Variants in ROCK1 observed in about 807,000 individuals in gnomAD.
The protein encoded by ROCK1 is Rho associated coiled-coil containing protein kinase 1.
Under a neutral mutation model 196.8 loss-of-function variants are expected in ROCK1, and 36 were observed. The ratio of observed to expected loss-of-function variants is 0.18; its 90% CI spans 0.14 to 0.24. The LOEUF (loss-of-function observed/expected upper bound fraction) is 0.24. ROCK1 is among the 10% of genes least tolerant of loss of function. The pLI, the probability that ROCK1 is intolerant of heterozygous loss-of-function variation, is 1.00. For missense variants in ROCK1, 920 were observed against 1,562.0 expected (o/e 0.59, Z 6.93); for synonymous variants, 443 against 515.9 (o/e 0.86, Z 1.91).
chr18:21,049,012 T>G (rs1402382622), intron 4 of ROCK1, 80 bp downstream of exon 4: 20 of 1,298,506 alleles, frequency 1.5e-5, no homozygotes, highest in Non-Finnish European at 1.4e-5. Flanking sequence ...CTACTACTAT[T>G]CTAAAACACA....
chr18:21,022,602 C>T (rs1380526725), intron 11 of ROCK1, among the ~76,000 whole-genome samples: 1 of 152,094 alleles, frequency 6.6e-6, no homozygotes, highest in African/African-American at 2.4e-5. Flanking sequence ...TTCCCTACAC[C>T]CTTTGTGCTT....
chr18:21,011,698 C>T (rs375431042), intron 13 of ROCK1, among the ~76,000 whole-genome samples: 4 of 152,140 alleles, frequency 2.6e-5, no homozygotes, highest in Admixed American at 1.3e-4. Context: ...TCAAGCAATC[C>T]GCTGGCCTTG....
At chr18:21,017,207 T>TTC in intron 12 of ROCK1, among the ~76,000 whole-genome samples, 2 of 150,056 alleles carry the variant, frequency 1.3e-5, no homozygotes, top group Non-Finnish European at 3.0e-5. Context: ...TTTTTTTTTT[T>TTC]TTGAGATGAA....
At chr18:21,034,251 T>C (rs1447121071) in intron 9 of ROCK1, among the ~76,000 whole-genome samples, 1 of 152,060 alleles carries the variant, frequency 6.6e-6, no homozygotes, top group African/African-American at 2.4e-5. Context: ...TTCAATGCAA[T>C]CTCCATCAAA....
At chr18:21,056,133 C>A (rs1305065991) in intron 2 of ROCK1, among the ~76,000 whole-genome samples, 1 of 151,508 alleles carries the variant, frequency 6.6e-6, no homozygotes, top group African/African-American at 2.4e-5. Context: ...TTCCAAGGCT[C>A]AGCCCTCAAT....
rs2036750887 is a variant in ROCK1 at position 21,111,380 on chromosome 18, GCCGCTCGGGCCACGGGCCGGGC to G, written c.-492_-471del. The G allele has an allele frequency of 4.9e-6, 2 of 411,136 alleles. No homozygotes were observed. Among genetic ancestry groups the G allele is most frequent in the South Asian group, 7.4e-5 (1 of 13,442 alleles). 25.5% of individuals were successfully genotyped at this position (411,136 alleles called of 1,614,324 possible). On this transcript the variant is annotated 5_prime_UTR_variant, in exon 1 of 33. Coordinates refer to ENST00000399799, the MANE Select transcript of ROCK1 (RefSeq NM_005406.3). The surrounding 1 kb of genome is among the most constrained non-coding windows in gnomAD (Gnocchi z 4.2). The stretch of plus-strand genomic sequence containing the variant: ...GTGAGGAGCTGTGCCAGCTGCGGCC[GCCGCTCGGGCCACGGGCCGGGC>G]CCGCTCCGCTCAGAGGCGCTGTAGA...
At position 21,060,884 on chromosome 18, in the gene ROCK1, T is replaced by C. The variant is rs184613892; in HGVS notation, c.175+9648A>G. 2.8e-4 allele frequency among the ~76,000 whole-genome samples: 42 copies of C among 150,058 alleles called. No individual in the cohort carries two copies. The East Asian group carries it at 8.2e-3, about 29-fold the overall frequency. ...AAACCTAAATTCATGCAAAAACTTG[T>C]ACACGAATATTTACGGCAGCTTTAT... On this transcript the variant is annotated intron_variant, in intron 2 of 32. Coordinates refer to ENST00000399799, the MANE Select transcript of ROCK1 (RefSeq NM_005406.3).
At chr18:20,987,257 C>T (rs1222293243) in intron 18 of ROCK1, 147 bp from the exon 19 acceptor site, 7 of 663,350 alleles carry the variant, frequency 1.1e-5, no homozygotes, top group Non-Finnish European at 1.2e-5. Context: ...GAAATTCTCA[C>T]ATTATGTAAA....
intron 9 of ROCK1, among the ~76,000 whole-genome samples, chr18:21,029,714 AT>A (rs1298951992): frequency 6.6e-6 from 1 of 152,214 alleles, no homozygotes; most frequent in Non-Finnish European, 1.5e-5. Flanking sequence ...AATATTCATA[AT>A]ATAGGAGAAA....
chr18:21,100,715 A>T (rs1443963045), intron 1 of ROCK1, among the ~76,000 whole-genome samples: 1 of 152,170 alleles, frequency 6.6e-6, no homozygotes, highest in Non-Finnish European at 1.5e-5. Context: ...AGATCTCAGA[A>T]GGAGACTGCA....
chr18:20,949,589 T>G lies in ROCK1; in HGVS notation c.*1795A>C, dbSNP rs1568364021. ...AGGCTGTTTACTACATAAATATCCTTGGAAAAGATAGTCAAAAGAAAGGTT... is the reference window on the plus strand; with the variant it reads ...AGGCTGTTTACTACATAAATATCCTGGGAAAAGATAGTCAAAAGAAAGGTT... On this transcript the variant is annotated 3_prime_UTR_variant, in exon 33 of 33. Coordinates refer to ENST00000399799, the MANE Select transcript of ROCK1 (RefSeq NM_005406.3). 1 of 152,242 alleles carries G rather than the reference T, an allele frequency of 6.6e-6. No individual in the cohort carries two copies. Among genetic ancestry groups the G allele is most frequent in the East Asian group, 1.9e-4 (1 of 5,198 alleles). 9.4% of individuals were successfully genotyped at this position (152,242 alleles called of 1,614,324 possible). A position where few individuals can be genotyped will look rare whatever the true frequency, so the allele number is the denominator to read the frequency against.
intron 27 of ROCK1, among the ~76,000 whole-genome samples, chr18:20,962,245 C>T (rs2035334272): frequency 6.6e-6 from 1 of 152,000 alleles, no homozygotes; most frequent in African/African-American, 2.4e-5. Flanking sequence ...CTTATAAAAG[C>T]AAAAAAGTTA....
chr18:20,989,296 G>T (rs2035603149), intron 18 of ROCK1, among the ~76,000 whole-genome samples: 1 of 152,118 alleles, frequency 6.6e-6, no homozygotes, highest in Non-Finnish European at 1.5e-5. Context: ...GAGCAACATT[G>T]ATCTGTCTGA....
chr18:20,966,687 A>G (rs188969543), intron 27 of ROCK1, among the ~76,000 whole-genome samples: 2 of 152,296 alleles, frequency 1.3e-5, no homozygotes, highest in East Asian at 3.9e-4. Context: ...GTTTTTATTC[A>G]GGTAAAGCTT....
At chr18:21,098,368 A>C (rs1269883687) in intron 1 of ROCK1, among the ~76,000 whole-genome samples, 1 of 152,096 alleles carries the variant, frequency 6.6e-6, no homozygotes, top group Non-Finnish European at 1.5e-5. Context: ...ATAAACAGAT[A>C]GCCATTTGAA....
At chr18:21,055,866 C>G (rs968920570) in intron 2 of ROCK1, among the ~76,000 whole-genome samples, 1 of 152,200 alleles carries the variant, frequency 6.6e-6, no homozygotes. Flanking sequence ...TCGGCTCTTA[C>G]CTTTCTTTCA....
intron 32 of ROCK1, among the ~76,000 whole-genome samples, chr18:20,953,001 A>C (rs1353250740): frequency 6.6e-6 from 1 of 152,196 alleles, no homozygotes; most frequent in Non-Finnish European, 1.5e-5. Context: ...CAGGGATAGC[A>C]TTAGGAGAAA....
At chr18:21,011,600 C>T (rs1447081268) in intron 13 of ROCK1, among the ~76,000 whole-genome samples, 5 of 152,232 alleles carry the variant, frequency 3.3e-5, no homozygotes, top group Admixed American at 6.5e-5. Context: ...GGACTACAGG[C>T]GTGCACTACC....
intron 16 of ROCK1, among the ~76,000 whole-genome samples, chr18:20,997,980 G>A (rs964833098): frequency 6.6e-6 from 1 of 151,928 alleles, no homozygotes; most frequent in African/African-American, 2.4e-5. Context: ...GGGACTACAG[G>A]TGCCTGCAAC....
Sources: allele counts gnomAD v4.1 joint callset (sites outside exome capture counted in the v4.1 genomes callset), GRCh38; gene constraint gnomAD v4.1.1; non-coding constraint Gnocchi (gnomAD v3.1); transcripts MANE v1.5; gene names NCBI Gene and HGNC (gene_info 2026-07-23, HGNC 2026-07-21).